The following EVPLL variants were observed in gnomAD, a reference collection of about 807,000 sequenced individuals.
The protein encoded by EVPLL is envoplakin like, also known as envoplakin-like protein.
EVPLL carries 39 observed loss-of-function variants against 46.2 expected under a neutral mutation model. The ratio of observed to expected loss-of-function variants is 0.84; its 90% CI spans 0.65 to 1.10. The LOEUF is 1.10. Ranked by LOEUF, EVPLL falls within the 50% of genes least tolerant of loss-of-function variation. EVPLL has a pLI of 0.00. For missense variants in EVPLL, 385 were observed against 412.6 expected, an observed-to-expected ratio of 0.93 and a Z score of 0.58; for synonymous variants, 156 against 165.8, an observed-to-expected ratio of 0.94 and a Z score of 0.46.
At chr17:18,385,913 A>G (rs955929041) in intron 9 of EVPLL, among the ~76,000 whole-genome samples, 2 of 152,086 alleles carry the variant, frequency 1.3e-5, no homozygotes, top group African/African-American at 4.8e-5. Flanking sequence ...GCAAACCTAC[A>G]CCCAGCAAAA....
At chr17:18,378,885 C>CT (rs1316639378) in intron 1 of EVPLL, among the ~76,000 whole-genome samples, 3 of 151,858 alleles carry the variant, frequency 2.0e-5, no homozygotes, top group Non-Finnish European at 4.4e-5. Flanking sequence ...GGAGACCAGC[C>CT]TGGGCAACAT....
intron 4 of EVPLL, chr17:18,382,256 G>A (rs1671190082): frequency 2.3e-6 from 1 of 426,896 alleles, no homozygotes; most frequent in Non-Finnish European, 4.3e-6. Flanking sequence ...GATGGAGCTG[G>A]AGACTTCTGA....
intron 1 of EVPLL, 199 bp from the exon 2 acceptor site, chr17:18,380,703 C>T (rs1166738751): frequency 1.8e-6 from 1 of 564,072 alleles, no homozygotes; most frequent in Non-Finnish European, 3.2e-6. Flanking sequence ...CTTTTGACCC[C>T]TCATGTGGCG....
intron 9 of EVPLL, among the ~76,000 whole-genome samples, chr17:18,387,174 C>T (rs1049255605): frequency 6.6e-6 from 1 of 150,726 alleles, no homozygotes; most frequent in Admixed American, 6.6e-5. Context: ...GCTGGGATTA[C>T]AGGTGTGAGC....
intron 4 of EVPLL, chr17:18,382,255 G>A (rs1189684742): frequency 4.7e-6 from 2 of 426,560 alleles, no homozygotes; most frequent in East Asian, 9.5e-5. Context: ...GGATGGAGCT[G>A]GAGACTTCTG....
intron 1 of EVPLL, among the ~76,000 whole-genome samples, chr17:18,379,434 C>A (rs1987487973): frequency 6.6e-6 from 1 of 152,350 alleles, no homozygotes; most frequent in Admixed American, 6.5e-5. Context: ...GTGACCTGTC[C>A]TCCCTGGGGC....
chr17:18,378,037 GGCCCAGGTCCTTGA>G, intron 1 of EVPLL, 54 bp downstream of exon 1: 1 of 537,782 alleles, frequency 1.9e-6, no homozygotes, highest in Non-Finnish European at 3.0e-6. Flanking sequence ...GGTGGTGCCA[GGCCCAGGTCCTTGA>G]GCCACCTGGC....
chr17:18,379,313 G>A (rs1375043332), intron 1 of EVPLL, among the ~76,000 whole-genome samples: 1 of 152,240 alleles, frequency 6.6e-6, no homozygotes, highest in African/African-American at 2.4e-5. Flanking sequence ...GTGTGGGAGT[G>A]GGGGTGCCCA....
chr17:18,383,461 T>C (rs774522836), intron 8 of EVPLL, 31 bp from the exon 9 acceptor site: 55 of 1,548,506 alleles, frequency 3.6e-5, no homozygotes, highest in Non-Finnish European at 1.1e-5. Context: ...GGGCGGGGCG[T>C]GGTCCGAGGG....
At chr17:18,382,895 C>G (rs768367525) in intron 6 of EVPLL, 31 bp downstream of exon 6, 1 of 1,596,910 alleles carries the variant, frequency 6.3e-7, no homozygotes, top group South Asian at 1.1e-5. Flanking sequence ...GGCAGGGTGG[C>G]TGCAGGTGGG....
rs569527346 is a variant in EVPLL at position 18,387,354 on chromosome 17, C to T, written c.877-865C>T. Among the ~76,000 whole-genome samples, 35 of 151,638 alleles carry T rather than the reference C, an allele frequency of 2.3e-4. No homozygotes were observed. The South Asian group carries it at 5.4e-3, about 24-fold the overall frequency. Reference sequence around the variant, plus strand: ...CCTGATTCCAGCCATTTGTCATGACCGCTTTAATCTGAGCTCCCTTCATTT... The same window carrying T: ...CCTGATTCCAGCCATTTGTCATGACTGCTTTAATCTGAGCTCCCTTCATTT... On this transcript the variant is annotated intron_variant, in intron 9 of 10. Coordinates refer to ENST00000399134, the MANE Select transcript of EVPLL (RefSeq NM_001145127.2).
Position 18,383,499 on chromosome 17 carries a change from A to T in EVPLL, c.788A>T (p.Gln263Leu). 6.3e-7 allele frequency: 1 copy of T among 1,579,156 alleles called. No individual in the cohort carries two copies. The highest frequency in any genetic ancestry group is 1.2e-5 in the South Asian group (1 of 86,056). The part of the protein sequence containing the change: ...HPAVGPIQAH[Q>L]EALKMEWQNF... ...CCGTGCTGCGGTACCCAGGCCCACCAGGAGGCCCTGAAGATGGAGTGGCAG... is the reference window on the plus strand; with the variant it reads ...CCGTGCTGCGGTACCCAGGCCCACCTGGAGGCCCTGAAGATGGAGTGGCAG... The change falls in exon 9 of 11, where the codon CAG becomes CTG. Residue 263 changes from glutamine to leucine, a missense_variant. Physicochemically the swap from Gln to Leu is moderately radical, Grantham distance 113 (BLOSUM62 -2). Coordinates refer to ENST00000399134, the MANE Select transcript of EVPLL (RefSeq NM_001145127.2).
In EVPLL at chr17:18,381,815, C is replaced by T; in HGVS notation, c.346+85C>T. 1 of 1,598,972 alleles carries T rather than the reference C, an allele frequency of 6.3e-7. No homozygotes were observed. The highest frequency in any genetic ancestry group is 8.5e-7 in the Non-Finnish European group (1 of 1,172,360). ...CCCAGGGCCTGACTGTAGGCTTGAACAGTCAGTGTATAGTGGTGTCTCAGG... is the reference window on the plus strand; with the variant it reads ...CCCAGGGCCTGACTGTAGGCTTGAATAGTCAGTGTATAGTGGTGTCTCAGG... On this transcript the variant is annotated intron_variant, in intron 4 of 10. Transcript: ENST00000399134. The surrounding 1 kb of genome is among the most constrained non-coding windows in gnomAD (Gnocchi z 4.2).
At chr17:18,387,191 G>A (rs1381036357) in intron 9 of EVPLL, among the ~76,000 whole-genome samples, 1 of 150,786 alleles carries the variant, frequency 6.6e-6, no homozygotes, top group Non-Finnish European at 1.5e-5. Flanking sequence ...GAGCCACCGC[G>A]CCTGGCCTGG....
In EVPLL at chr17:18,388,838, A is replaced by G. The variant is rs1298357669; in HGVS notation, c.*41-19A>G. On this transcript the variant is annotated intron_variant, in intron 10 of 10. Coordinates refer to ENST00000399134, the MANE Select transcript of EVPLL (RefSeq NM_001145127.2). ...TCAGACACAGAAAACCTGCTCAGTG[A>G]CCCTTTCTCCTTTTTCAGCTCTTGC... 1 of 150,866 alleles carries G rather than the reference A, an allele frequency of 6.6e-6. No homozygotes were observed. The highest frequency in any genetic ancestry group is 2.4e-5 in the African/African-American group (1 of 40,896). The allele number at this position is 150,866 out of a possible 1,614,324, so 9.3% of individuals were successfully genotyped here. A position where few individuals can be genotyped will look rare whatever the true frequency, so the allele number is the denominator to read the frequency against.
chr17:18,379,301 T>C (rs1987483671), intron 1 of EVPLL, among the ~76,000 whole-genome samples: 1 of 152,234 alleles, frequency 6.6e-6, no homozygotes, highest in Admixed American at 6.5e-5. Flanking sequence ...GATGAAAAGC[T>C]GGTGTGGGAG....
chr17:18,381,291 C>T lies in EVPLL; in HGVS notation c.64-76C>T. On this transcript the variant is annotated intron_variant, in intron 2 of 10. Coordinates refer to ENST00000399134, the MANE Select transcript of EVPLL (RefSeq NM_001145127.2). The surrounding 1 kb of genome is among the most constrained non-coding windows in gnomAD (Gnocchi z 4.2). ...CATAGCTGGGGTCCCAAAGGTGGGG[C>T]TCAGGCCCACAATGATGGGCAGCAG... 1 of 1,473,350 alleles carries T rather than the reference C, an allele frequency of 6.8e-7. No individual in the cohort carries two copies. The highest frequency in any genetic ancestry group is 2.5e-5 in the East Asian group (1 of 40,222). The allele number at this position is 1,473,350 out of a possible 1,614,324, so 91.3% of individuals were successfully genotyped here. A position where few individuals can be genotyped will look rare whatever the true frequency, so the allele number is the denominator to read the frequency against.
In EVPLL at chr17:18,380,521, G is replaced by C. The variant is rs575564128; in HGVS notation, c.-36-381G>C. ...TGCTGCTGCCTCCCTGCCCCAGCCA[G>C]CCCAACTGCCCCTCCCAGGGCCCAG... On this transcript the variant is annotated intron_variant, in intron 1 of 10. Coordinates refer to ENST00000399134, the MANE Select transcript of EVPLL (RefSeq NM_001145127.2). 8.5e-3 allele frequency: 1,624 copies of C among 191,226 alleles called. 27 individuals are homozygous for C. The highest frequency in any genetic ancestry group is 0.036 in the African/African-American group (1,546 of 43,402). 11.8% of individuals were successfully genotyped at this position (191,226 alleles called of 1,614,324 possible). A position where few individuals can be genotyped will look rare whatever the true frequency, so the allele number is the denominator to read the frequency against.
At chr17:18,384,362 G>A (rs927051795) in intron 9 of EVPLL, among the ~76,000 whole-genome samples, 1 of 151,832 alleles carries the variant, frequency 6.6e-6, no homozygotes, top group African/African-American at 2.4e-5. Flanking sequence ...CTTGAGCCCA[G>A]GAGTTTGAGG....
Sources: allele counts gnomAD v4.1 joint callset (sites outside exome capture counted in the v4.1 genomes callset), GRCh38; gene constraint gnomAD v4.1.1; non-coding constraint Gnocchi (gnomAD v3.1); transcripts MANE v1.5; gene names NCBI Gene and HGNC (gene_info 2026-07-23, HGNC 2026-07-21).